TBCA: variants seen among roughly 807,000 people sequenced by gnomAD.
TBCA encodes tubulin-specific chaperone A.
A neutral mutation model predicts 15.8 loss-of-function variants in TBCA; 6 were observed. The observed-to-expected ratio is 0.38, with a 90% CI of 0.21 to 0.75. The LOEUF is 0.75. Ranked by LOEUF, TBCA falls within the 30% of genes least tolerant of loss-of-function variation. TBCA has a pLI of 0.46. For synonymous variants in TBCA, 32 were observed against 42.3 expected (o/e 0.76, Z 0.94); for missense variants, 90 against 131.2 (o/e 0.69, Z 1.53).
At chr5:77,757,814 G>A (rs910067513) in intron 1 of TBCA, among the ~76,000 whole-genome samples, 14 of 152,188 alleles carry the variant, frequency 9.2e-5, no homozygotes, top group African/African-American at 2.9e-4. Context: ...CTGATGACAT[G>A]TGCCCAAGGT....
chr5:77,702,632 A>T (rs1746046532), intron 2 of TBCA, among the ~76,000 whole-genome samples: 2 of 152,236 alleles, frequency 1.3e-5, no homozygotes, highest in South Asian at 4.1e-4. Context: ...GAGTGCAGGT[A>T]TAACTAGTGA....
chr5:77,748,793 C>T (rs932434235), intron 1 of TBCA, among the ~76,000 whole-genome samples: 4 of 152,112 alleles, frequency 2.6e-5, no homozygotes, highest in Non-Finnish European at 5.9e-5. Flanking sequence ...AACATAAAGT[C>T]AATTAACACA....
intron 1 of TBCA, among the ~76,000 whole-genome samples, chr5:77,744,329 G>A (rs1011184174): frequency 2.6e-5 from 4 of 151,862 alleles, no homozygotes; most frequent in African/African-American, 7.3e-5. Flanking sequence ...GTGGGTAGAC[G>A]TCAGGGATGC....
intron 1 of TBCA, among the ~76,000 whole-genome samples, chr5:77,775,242 CAT>C (rs1747994076): frequency 6.6e-6 from 1 of 152,192 alleles, no homozygotes; most frequent in Admixed American, 6.5e-5. Flanking sequence ...CCGACTAAGG[CAT>C]AAGTGACTAT....
chr5:77,706,637 C>T (rs951351441), intron 2 of TBCA, among the ~76,000 whole-genome samples: 1 of 151,766 alleles, frequency 6.6e-6, no homozygotes, highest in African/African-American at 2.4e-5. Context: ...CATGACAAAA[C>T]CCCGTCTCTA....
chr5:77,757,284 G>C (rs1339969350), intron 1 of TBCA, among the ~76,000 whole-genome samples: 3 of 151,980 alleles, frequency 2.0e-5, no homozygotes, highest in African/African-American at 7.3e-5. Flanking sequence ...CTTTAGCCCA[G>C]AAAAAAACCC....
chr5:77,693,090 C>G (rs1745792239), intron 3 of TBCA, 176 bp downstream of exon 3: 1 of 1,464,846 alleles, frequency 6.8e-7, no homozygotes, highest in East Asian at 2.5e-5. Context: ...TTACTGGAGG[C>G]ATAATTCAAA....
intron 3 of TBCA, chr5:77,693,037 T>A: frequency 7.0e-7 from 1 of 1,426,924 alleles, no homozygotes; most frequent in Non-Finnish European, 9.1e-7. Context: ...TTTAACTAGC[T>A]AAATTTTAAT....
intron 1 of TBCA, among the ~76,000 whole-genome samples, chr5:77,770,719 T>G (rs140258612): frequency 7.1e-6 from 1 of 141,678 alleles, no homozygotes; most frequent in Non-Finnish European, 1.5e-5. Flanking sequence ...GAAACATAGA[T>G]CCAAATCTTA....
chr5:77,754,572 T>C (rs953538492), intron 1 of TBCA, among the ~76,000 whole-genome samples: 8 of 152,224 alleles, frequency 5.3e-5, no homozygotes, highest in Non-Finnish European at 2.9e-5. Flanking sequence ...GTAAAGTTAT[T>C]TCCCTGTCAA....
In TBCA at chr5:77,693,341, T is replaced by C. The variant is rs993170822; in HGVS notation, c.171A>G (p.Leu57=). The part of the protein sequence containing the change: ...NYDIKKQAEI[L]QESRMMIPDC... ...CTGGGATCATCATCCTGGATTCTTGTAGGATCTCTGCCTAGAATGAGAATC... is the reference window on the plus strand; with the variant it reads ...CTGGGATCATCATCCTGGATTCTTGCAGGATCTCTGCCTAGAATGAGAATC... Residue 57 remains leucine, a synonymous_variant, in exon 3 of 4, where the codon CTA becomes CTG. Coordinates refer to ENST00000380377, the MANE Select transcript of TBCA (RefSeq NM_004607.3). The C allele has an allele frequency of 4.3e-6, 7 of 1,611,838 alleles. No homozygotes were observed. The highest frequency in any genetic ancestry group is 1.3e-5 in the African/African-American group (1 of 74,810).
At chr5:77,747,436 A>G (rs1042003874) in intron 1 of TBCA, among the ~76,000 whole-genome samples, 1 of 152,170 alleles carries the variant, frequency 6.6e-6, no homozygotes, top group African/African-American at 2.4e-5. Context: ...CTAAACTTTT[A>G]GAGCAGTTAG....
intron 1 of TBCA, among the ~76,000 whole-genome samples, chr5:77,748,203 A>C (rs1210872723): frequency 2.0e-5 from 3 of 152,236 alleles, no homozygotes; most frequent in Non-Finnish European, 4.4e-5. Flanking sequence ...GACTTAAAAA[A>C]ATTTCAACAA....
At chr5:77,710,898 G>A (rs529750336) in intron 1 of TBCA, among the ~76,000 whole-genome samples, 2 of 152,174 alleles carry the variant, frequency 1.3e-5, no homozygotes, top group African/African-American at 2.4e-5. Context: ...AGAAACTACT[G>A]GATTAGCAAT....
chr5:77,759,987 G>A (rs1317005219), intron 1 of TBCA, among the ~76,000 whole-genome samples: 1 of 152,202 alleles, frequency 6.6e-6, no homozygotes, highest in Non-Finnish European at 1.5e-5. Context: ...AGCAATGTCA[G>A]AGTTTGAGAA....
chr5:77,772,865 T>A (rs1282196744), intron 1 of TBCA, among the ~76,000 whole-genome samples: 1 of 152,220 alleles, frequency 6.6e-6, no homozygotes, highest in Admixed American at 6.5e-5. Flanking sequence ...GTCAAAAACT[T>A]AGTTTATAAT....
chr5:77,711,903 T>G (rs764052819), intron 1 of TBCA, among the ~76,000 whole-genome samples: 13 of 152,078 alleles, frequency 8.5e-5, no homozygotes, highest in Non-Finnish European at 1.5e-4. Flanking sequence ...ACGTTTTTGC[T>G]TAAAAAGTCA....
At chr5:77,749,147 C>T (rs779671097) in intron 1 of TBCA, among the ~76,000 whole-genome samples, 2 of 152,128 alleles carry the variant, frequency 1.3e-5, no homozygotes, top group Non-Finnish European at 2.9e-5. Flanking sequence ...GCACTAAACA[C>T]AAAAAATACA....
At chr5:77,749,131 A>G (rs1421446847) in intron 1 of TBCA, among the ~76,000 whole-genome samples, 1 of 152,228 alleles carries the variant, frequency 6.6e-6, no homozygotes, top group Non-Finnish European at 1.5e-5. Flanking sequence ...CAAGGTTTAC[A>G]TTATTGCACT....
Sources: gnomAD v4.1 joint callset for allele counts (sites outside exome capture counted in the v4.1 genomes callset) on GRCh38, gnomAD v4.1.1 for gene constraint, MANE v1.5 for transcripts, NCBI Gene and HGNC (gene_info 2026-07-23, HGNC 2026-07-21) for gene names.